SLC4A10: variants seen among roughly 807,000 people sequenced by gnomAD.
SLC4A10 encodes sodium-driven chloride bicarbonate exchanger.
A neutral mutation model predicts 137.7 loss-of-function variants in SLC4A10; 42 were observed. The ratio of observed to expected loss-of-function variants is 0.30; its 90% CI spans 0.24 to 0.39. The LOEUF (loss-of-function observed/expected upper bound fraction) is 0.39. SLC4A10 is among the 10% of genes least tolerant of loss of function. The probability of loss-of-function intolerance (pLI) is 1.00; values close to 1 mark genes in which losing one functional copy is unlikely to be tolerated. For synonymous variants in SLC4A10, 474 were observed against 464.1 expected (o/e 1.02, Z -0.27); for missense variants, 925 against 1,355.0 (o/e 0.68, Z 4.98).
chr2:161,887,626 A>G lies in SLC4A10; in HGVS notation c.1194+5182A>G, dbSNP rs572792277. Among the ~76,000 whole-genome samples, 3 of 152,158 alleles carry G rather than the reference A, an allele frequency of 2.0e-5. No individual in the cohort carries two copies. In the South Asian group the frequency reaches 6.2e-4, roughly 32 times the overall value. On this transcript the variant is annotated intron_variant, in intron 10 of 26. Transcript: ENST00000446997. Reference sequence around the variant, plus strand: ...GTCTTCTTTTGAGAAATTTCTGTTCATATCCTTTACCCACTTTTTGCTGGG... The same window carrying G: ...GTCTTCTTTTGAGAAATTTCTGTTCGTATCCTTTACCCACTTTTTGCTGGG...
At chr2:161,891,442 T>C (rs1010819478) in intron 10 of SLC4A10, among the ~76,000 whole-genome samples, 2 of 152,122 alleles carry the variant, frequency 1.3e-5, no homozygotes, top group Non-Finnish European at 2.9e-5. Flanking sequence ...CAATCAAACG[T>C]AGGTTTGGTC....
At chr2:161,682,066 T>A (rs1390426093) in intron 1 of SLC4A10, among the ~76,000 whole-genome samples, 3 of 152,172 alleles carry the variant, frequency 2.0e-5, no homozygotes, top group Non-Finnish European at 4.4e-5. Context: ...ATGTAACTCA[T>A]CCTTACTTTG....
chr2:161,909,784 T>C (rs1011719032), intron 15 of SLC4A10, among the ~76,000 whole-genome samples: 1 of 152,224 alleles, frequency 6.6e-6, no homozygotes, highest in African/African-American at 2.4e-5. Flanking sequence ...TATTGCTAAT[T>C]ACTGCTATTT....
At chr2:161,697,739 T>TGG (rs2042687663) in intron 1 of SLC4A10, among the ~76,000 whole-genome samples, 1 of 152,196 alleles carries the variant, frequency 6.6e-6, no homozygotes, top group African/African-American at 2.4e-5. Context: ...TCAGGTAGCA[T>TGG]GATGCCTCCA....
intron 1 of SLC4A10, among the ~76,000 whole-genome samples, chr2:161,763,375 A>C (rs769853861): frequency 2.2e-4 from 33 of 152,128 alleles, no homozygotes; most frequent in Non-Finnish European, 4.1e-4. Context: ...ACACATGGTC[A>C]CTCAAAAGGG....
intron 2 of SLC4A10, among the ~76,000 whole-genome samples, chr2:161,787,893 T>G (rs1266117830): frequency 6.6e-6 from 1 of 152,188 alleles, no homozygotes; most frequent in Non-Finnish European, 1.5e-5. Flanking sequence ...TATCTTGAAT[T>G]CCTTATCAGT....
chr2:161,696,433 C>T (rs1395321395), intron 1 of SLC4A10, among the ~76,000 whole-genome samples: 1 of 143,436 alleles, frequency 7.0e-6, no homozygotes, highest in Non-Finnish European at 1.5e-5. Flanking sequence ...TTAGGTATAT[C>T]TCCTAATGCT....
At chr2:161,766,698 C>T (rs2050834517) in intron 1 of SLC4A10, among the ~76,000 whole-genome samples, 2 of 151,306 alleles carry the variant, frequency 1.3e-5, no homozygotes, top group Non-Finnish European at 2.9e-5. Context: ...ACTTGTATTT[C>T]TCTGGTTTGG....
intron 16 of SLC4A10, among the ~76,000 whole-genome samples, chr2:161,944,698 ATAATTGCTAAACT>A (rs1693404202): frequency 6.6e-6 from 1 of 151,622 alleles, no homozygotes; most frequent in Non-Finnish European, 1.5e-5. Flanking sequence ...TTTGCAATGG[ATAATTGCTAAACT>A]TGACCAGAAA....
intron 9 of SLC4A10, among the ~76,000 whole-genome samples, chr2:161,882,038 A>G (rs139579418): frequency 1.3e-4 from 20 of 151,644 alleles, no homozygotes; most frequent in Non-Finnish European, 2.4e-4. Flanking sequence ...TACTTTTCCC[A>G]CTTTCCTTCT....
intron 2 of SLC4A10, among the ~76,000 whole-genome samples, chr2:161,783,266 A>G (rs147137658): frequency 2.5e-3 from 382 of 152,014 alleles, no homozygotes; most frequent in African/African-American, 8.8e-3. Context: ...ACCAAATGAA[A>G]CTGTCATTCA....
At chr2:161,906,109 T>G (rs1335635855) in intron 15 of SLC4A10, among the ~76,000 whole-genome samples, 4 of 152,198 alleles carry the variant, frequency 2.6e-5, no homozygotes, top group African/African-American at 7.2e-5. Context: ...GAGTATCTTT[T>G]TAAAGTTCTA....
chr2:161,690,166 T>C (rs1459703730), intron 1 of SLC4A10, among the ~76,000 whole-genome samples: 1 of 152,152 alleles, frequency 6.6e-6, no homozygotes, highest in Non-Finnish European at 1.5e-5. Context: ...AAAGAAGACA[T>C]TTATGTGGCC....
intron 15 of SLC4A10, among the ~76,000 whole-genome samples, chr2:161,923,679 T>TG (rs1173546268): frequency 4.1e-5 from 6 of 146,242 alleles, no homozygotes; most frequent in Non-Finnish European, 6.0e-5. Context: ...TGTTGTGGGG[T>TG]GGGGGGAGTG....
rs192231065 is a variant in SLC4A10, at chr2:161,668,587, T to C, written c.48+44021T>C. ...AGATGATAGTGTTTTATCAACCTTA[T>C]GATTCTATAACATCTGGAGATTTTT... On this transcript the variant is annotated intron_variant, in intron 1 of 26. Transcript: ENST00000446997. 2.0e-5 allele frequency among the ~76,000 whole-genome samples: 3 copies of C among 151,988 alleles called. No individual in the cohort carries two copies. In the East Asian group the frequency reaches 5.8e-4, roughly 29 times the overall value.
intron 1 of SLC4A10, among the ~76,000 whole-genome samples, chr2:161,684,013 C>T (rs1392136500): frequency 6.6e-6 from 1 of 152,150 alleles, no homozygotes; most frequent in Non-Finnish European, 1.5e-5. Context: ...TATACTGAAA[C>T]TCCGTGTGTA....
intron 15 of SLC4A10, 109 bp from the exon 16 acceptor site, chr2:161,942,683 C>A: frequency 1.2e-6 from 1 of 800,794 alleles, no homozygotes; most frequent in Non-Finnish European, 2.1e-6. Flanking sequence ...ACTTGTCTGT[C>A]AAATAGAGGA....
intron 10 of SLC4A10, among the ~76,000 whole-genome samples, chr2:161,886,996 G>T (rs1164050930): frequency 6.6e-6 from 1 of 151,702 alleles, no homozygotes; most frequent in African/African-American, 2.4e-5. Context: ...CTGTGTCCAT[G>T]TGTTCTCATT....
At chr2:161,951,993 T>C (rs992969154) in intron 19 of SLC4A10, among the ~76,000 whole-genome samples, 4 of 152,152 alleles carry the variant, frequency 2.6e-5, no homozygotes, top group African/African-American at 7.2e-5. Context: ...TATTAAATGA[T>C]ACATTTTAAA....
Sources: gnomAD v4.1 joint callset for allele counts (sites outside exome capture counted in the v4.1 genomes callset) on GRCh38, gnomAD v4.1.1 for gene constraint, MANE v1.5 for transcripts, NCBI Gene and HGNC (gene_info 2026-07-23, HGNC 2026-07-21) for gene names.